ADAMTS2: variants seen among roughly 807,000 people sequenced by gnomAD.
ADAMTS2 encodes ADAM metallopeptidase with thrombospondin type 1 motif 2.
ADAMTS2 carries 50 observed loss-of-function variants against 123.0 expected under a neutral mutation model. The observed-to-expected ratio is 0.41, with a 90% confidence interval of 0.32 to 0.51. The LOEUF (loss-of-function observed/expected upper bound fraction) is 0.51, where lower values mean the gene tolerates loss of function less well. Among genes scored for constraint, ADAMTS2 ranks in the 20% least tolerant of loss-of-function variants. The pLI is 0.35. For missense variants in ADAMTS2, 1,494 were observed against 1,705.2 expected (o/e 0.88, Z 2.18); for synonymous variants, 678 against 695.4 (o/e 0.98, Z 0.39).
chr5:179,344,207 A>T, intron 1 of ADAMTS2, 46 bp from the exon 2 acceptor site: 1 of 1,536,074 alleles, frequency 6.5e-7, no homozygotes, highest in Non-Finnish European at 8.7e-7. Context: ...ACGGAGCCCC[A>T]GTGCCTCAGA....
At chr5:179,137,631 C>A in intron 12 of ADAMTS2, 138 bp downstream of exon 12, 1 of 1,225,168 alleles carries the variant, frequency 8.2e-7, no homozygotes, top group Non-Finnish European at 1.1e-6. Flanking sequence ...GGCAGCCACA[C>A]CAGCCAGGGT....
At chr5:179,137,038 G>A (rs1334865062) in intron 12 of ADAMTS2, among the ~76,000 whole-genome samples, 2 of 151,942 alleles carry the variant, frequency 1.3e-5, no homozygotes, top group East Asian at 1.9e-4. Context: ...AGCCTGCCTC[G>A]ATTCAGACTC....
At chr5:179,274,279 A>G (rs939882828) in intron 2 of ADAMTS2, among the ~76,000 whole-genome samples, 2 of 152,070 alleles carry the variant, frequency 1.3e-5, no homozygotes, top group Non-Finnish European at 2.9e-5. Context: ...CAGCCTTCAG[A>G]GTGTTTCCTT....
intron 4 of ADAMTS2, among the ~76,000 whole-genome samples, chr5:179,191,376 G>A (rs1473338005): frequency 1.3e-5 from 2 of 152,172 alleles, no homozygotes; most frequent in African/African-American, 2.4e-5. Context: ...CCCGGCCCTG[G>A]CATCCCCCCA....
rs1264692759 is a variant in ADAMTS2 at position 179,128,796 on chromosome 5, A to T, written c.2458-678T>A. Among the ~76,000 whole-genome samples, 1 of 152,222 alleles carries T rather than the reference A, an allele frequency of 6.6e-6. No individual in the cohort carries two copies. The highest frequency in any genetic ancestry group is 1.5e-5 in the Non-Finnish European group (1 of 68,050). On this transcript the variant is annotated intron_variant, in intron 16 of 21. Coordinates refer to ENST00000251582, the MANE Select transcript of ADAMTS2 (RefSeq NM_014244.5). The surrounding 1 kb of genome is among the most constrained non-coding windows in gnomAD (Gnocchi z 4.9). The stretch of plus-strand genomic sequence containing the variant: ...TGCAGCCCATGCCTGAACGAAGCTT[A>T]TTCAACACATGTATTTTCTTCTTAA...
chr5:179,159,227 C>T (rs771070884), intron 5 of ADAMTS2, among the ~76,000 whole-genome samples: 8 of 152,186 alleles, frequency 5.3e-5, no homozygotes, highest in Admixed American at 2.6e-4. Context: ...GCACCTGTTC[C>T]GTGCAAGGCC....
In ADAMTS2 at chr5:179,258,962, A is replaced by G. The variant is rs545258277; in HGVS notation, c.688+13949T>C. 2.0e-4 allele frequency among the ~76,000 whole-genome samples: 31 copies of G among 152,142 alleles called. 1 individual carries two copies. The highest frequency in any genetic ancestry group is 2.4e-4 in the Non-Finnish European group (16 of 67,990). On this transcript the variant is annotated intron_variant, in intron 3 of 21. Transcript: ENST00000251582. Reference sequence around the variant, plus strand: ...TGATCCGGCCGCTGCTCTCATTCCCATGGCCACCTGATCCAGGCCGCAGTC... The same window carrying G: ...TGATCCGGCCGCTGCTCTCATTCCCGTGGCCACCTGATCCAGGCCGCAGTC...
intron 4 of ADAMTS2, among the ~76,000 whole-genome samples, chr5:179,184,468 G>A (rs1259770851): frequency 6.8e-6 from 1 of 146,012 alleles, no homozygotes; most frequent in Non-Finnish European, 1.5e-5. Context: ...CCGAGATCGC[G>A]TCATTGCACT....
chr5:179,138,858 C>G (rs923057285), intron 11 of ADAMTS2, among the ~76,000 whole-genome samples: 2 of 152,224 alleles, frequency 1.3e-5, no homozygotes, highest in Non-Finnish European at 2.9e-5. Flanking sequence ...GTGAACAGGA[C>G]CCAGGAGCGG....
chr5:179,191,368 C>T (rs533324315), intron 4 of ADAMTS2, among the ~76,000 whole-genome samples: 15 of 152,322 alleles, frequency 9.8e-5, no homozygotes, highest in African/African-American at 2.9e-4. Context: ...GTGCCACCCC[C>T]GGCCCTGGCA....
rs1765250776 is a variant in ADAMTS2, at chr5:179,225,149, A to G, written c.689-17434T>C. Among the ~76,000 whole-genome samples, 1 of 152,184 alleles carries G rather than the reference A, an allele frequency of 6.6e-6. No individual in the cohort carries two copies. The highest frequency in any genetic ancestry group is 2.4e-5 in the African/African-American group (1 of 41,440). On this transcript the variant is annotated intron_variant, in intron 3 of 21. Transcript: ENST00000251582. This position sits in a 1 kb window ranked among gnomAD's most constrained non-coding sequence, Gnocchi z 4.5. ...ATCCACACGGCAACTAACACTCAGC[A>G]CGCACCAGGCTCCTCCTCCCTCTCA...
intron 4 of ADAMTS2, among the ~76,000 whole-genome samples, chr5:179,201,942 G>A (rs1014129285): frequency 2.0e-5 from 3 of 152,206 alleles, no homozygotes; most frequent in African/African-American, 7.2e-5. Flanking sequence ...GCAGGTGGGT[G>A]GTTGCCTAAA....
In ADAMTS2 at chr5:179,312,585, C is replaced by G. The variant is rs1227960160; in HGVS notation, c.534+31182G>C. Reference sequence around the variant, plus strand: ...CTATAGCAGCCTGCATGGACTAAGACAGGCCCTAAATGCAATCACACTTCT... The same window carrying G: ...CTATAGCAGCCTGCATGGACTAAGAGAGGCCCTAAATGCAATCACACTTCT... On this transcript the variant is annotated intron_variant, in intron 2 of 21. Transcript: ENST00000251582. This position sits in a 1 kb window ranked among gnomAD's most constrained non-coding sequence, Gnocchi z 4.2. Among the ~76,000 whole-genome samples, 1 of 152,200 alleles carries G rather than the reference C, an allele frequency of 6.6e-6. No homozygotes were observed. Among genetic ancestry groups the G allele is most frequent in the Non-Finnish European group, 1.5e-5 (1 of 68,044 alleles).
chr5:179,196,033 A>C (rs1764423355), intron 4 of ADAMTS2, among the ~76,000 whole-genome samples: 1 of 152,120 alleles, frequency 6.6e-6, no homozygotes, highest in African/African-American at 2.4e-5. Context: ...GATTTCCACC[A>C]CGACCAGCTG....
intron 3 of ADAMTS2, among the ~76,000 whole-genome samples, chr5:179,266,398 AG>A (rs1766373064): frequency 6.6e-6 from 1 of 150,594 alleles, no homozygotes; most frequent in Non-Finnish European, 1.5e-5. Flanking sequence ...AGCTGGCTAT[AG>A]AAGAGGAGAA....
chr5:179,308,184 G>A lies in ADAMTS2; in HGVS notation c.535-35120C>T, dbSNP rs1377834039. Among the ~76,000 whole-genome samples, 4 of 152,200 alleles carry A rather than the reference G, an allele frequency of 2.6e-5. No individual in the cohort carries two copies. Among genetic ancestry groups the A allele is most frequent in the African/African-American group, 9.7e-5 (4 of 41,448 alleles). On this transcript the variant is annotated intron_variant, in intron 2 of 21. Coordinates refer to ENST00000251582, the MANE Select transcript of ADAMTS2 (RefSeq NM_014244.5). The surrounding 1 kb of genome is among the most constrained non-coding windows in gnomAD (Gnocchi z 6.6). The stretch of plus-strand genomic sequence containing the variant: ...GTTTAAGTGGAGGATCCGGTGCTCT[G>A]ATTTCTCCCCAGTTAGTAAAGCATT...
chr5:179,164,953 C>A (rs1206975456), intron 5 of ADAMTS2, among the ~76,000 whole-genome samples: 1 of 152,240 alleles, frequency 6.6e-6, no homozygotes, highest in Non-Finnish European at 1.5e-5. Flanking sequence ...GATGTCCAGG[C>A]AGAGACATCG....
chr5:179,274,268 C>T (rs950872459), intron 2 of ADAMTS2, among the ~76,000 whole-genome samples: 1 of 152,240 alleles, frequency 6.6e-6, no homozygotes. Flanking sequence ...CACACTGTGT[C>T]CAGCCTTCAG....
At chr5:179,206,110 A>C (rs925703523) in intron 4 of ADAMTS2, among the ~76,000 whole-genome samples, 8 of 152,212 alleles carry the variant, frequency 5.3e-5, no homozygotes, top group African/African-American at 1.9e-4. Flanking sequence ...GATGAGGGTA[A>C]GTGTGACAAC....
Sources: gnomAD v4.1 joint callset for allele counts (sites outside exome capture counted in the v4.1 genomes callset) on GRCh38, gnomAD v4.1.1 for gene constraint, Gnocchi (gnomAD v3.1) non-coding constraint, MANE v1.5 for transcripts, NCBI Gene and HGNC (gene_info 2026-07-23, HGNC 2026-07-21) for gene names.